The following DMD variants were observed in gnomAD, a reference collection of about 807,000 sequenced individuals.
The protein encoded by DMD is dystrophin, also known as mutant dystrophin.
A neutral mutation model predicts 330.1 loss-of-function variants in DMD; 63 were observed. The observed-to-expected ratio is 0.19, with a 90% CI of 0.16 to 0.24. The LOEUF is 0.24. Ranked by LOEUF, DMD falls within the 10% of genes least tolerant of loss-of-function variation. The pLI, the probability that DMD is intolerant of heterozygous loss-of-function variation, is 1.00. For missense variants in DMD, 3,344 were observed against 2,684.1 expected (o/e 1.25, Z -5.43); for synonymous variants, 1,223 against 959.8 (o/e 1.27, Z -5.07).
chrX:32,710,774 G>A (rs1288105634), intron 7 of DMD, among the ~76,000 whole-genome samples: 1 of 111,036 alleles, frequency 9.0e-6, no homozygotes, highest in Non-Finnish European at 1.9e-5. Flanking sequence ...TGTGCTAAGC[G>A]TCTGCATACC....
Position 32,601,462 on chromosome X carries a change from G to C in DMD, c.1483-5586C>G, listed in dbSNP as rs996924363. 2.7e-5 allele frequency among the ~76,000 whole-genome samples: 3 copies of C among 111,698 alleles called. No homozygotes were observed. The South Asian group carries it at 1.1e-3, about 41-fold the overall frequency. The stretch of plus-strand genomic sequence containing the variant: ...GGTTCTGAAAGACTGTTTCAATGGA[G>C]AGATTTGAAAGGCTATACAAGCACA... On this transcript the variant is annotated intron_variant, in intron 12 of 78. Coordinates refer to ENST00000357033, the MANE Select transcript of DMD (RefSeq NM_004006.3).
chrX:32,452,819 G>A (rs1391443468), intron 26 of DMD, among the ~76,000 whole-genome samples: 1 of 111,020 alleles, frequency 9.0e-6, no homozygotes, highest in Non-Finnish European at 1.9e-5. Flanking sequence ...AACAAAACCC[G>A]TTTGTTAACA....
intron 25 of DMD, among the ~76,000 whole-genome samples, chrX:32,461,978 AT>A (rs2098385008): frequency 9.2e-6 from 1 of 109,221 alleles, no homozygotes; most frequent in Non-Finnish European, 1.9e-5. Context: ...TTTTTTTTTC[AT>A]TTTCAAATGT....
intron 1 of DMD, among the ~76,000 whole-genome samples, chrX:33,092,261 G>GT (rs2095095470): frequency 9.0e-6 from 1 of 111,721 alleles, no homozygotes; most frequent in Non-Finnish European, 1.9e-5. Flanking sequence ...CTAGAAAAAT[G>GT]TTTTTTAAAA....
intron 30 of DMD, 118 bp from the exon 31 acceptor site, chrX:32,390,299 G>A: frequency 3.5e-6 from 2 of 575,679 alleles, no homozygotes; most frequent in Non-Finnish European, 2.9e-6. Context: ...CCTTTAAAAT[G>A]ACCGTAAATT....
intron 21 of DMD, among the ~76,000 whole-genome samples, chrX:32,483,800 G>C (rs1417772970): frequency 1.1e-4 from 2 of 18,296 alleles, no homozygotes; most frequent in African/African-American, 1.8e-4. Context: ...AAACCCCTTA[G>C]CAAAAACGAC....
chrX:32,321,571 C>T (rs986749029), intron 41 of DMD, among the ~76,000 whole-genome samples: 2 of 111,118 alleles, frequency 1.8e-5, no homozygotes, highest in Non-Finnish European at 3.8e-5. Context: ...GCCTTACTTC[C>T]ACCCCTTGTC....
At chrX:31,388,182 T>C (rs1301621008) in intron 60 of DMD, among the ~76,000 whole-genome samples, 2 of 108,632 alleles carry the variant, frequency 1.8e-5, no homozygotes, top group Non-Finnish European at 3.8e-5. Flanking sequence ...TTTTTGTATT[T>C]TTAGTAGAGA....
At chrX:32,566,305 AAGCTAGTG>A (rs2051707002) in intron 15 of DMD, among the ~76,000 whole-genome samples, 1 of 112,073 alleles carries the variant, frequency 8.9e-6, no homozygotes, top group Non-Finnish European at 1.9e-5. Flanking sequence ...TACTGAAGAA[AAGCTAGTG>A]AGCTGAGAAA....
At chrX:32,871,066 C>T (rs2082955626) in intron 2 of DMD, among the ~76,000 whole-genome samples, 1 of 107,458 alleles carries the variant, frequency 9.3e-6, no homozygotes, top group African/African-American at 3.4e-5. Context: ...AAACATTCTT[C>T]CCCTGCATCC....
At chrX:31,465,834 C>T (rs1327526308) in intron 59 of DMD, among the ~76,000 whole-genome samples, 1 of 112,000 alleles carries the variant, frequency 8.9e-6, no homozygotes, top group East Asian at 2.8e-4. Flanking sequence ...AGTGTAAAAG[C>T]ACACCTATTT....
intron 60 of DMD, among the ~76,000 whole-genome samples, chrX:31,381,016 C>G (rs1464129675): frequency 9.0e-6 from 1 of 111,584 alleles, no homozygotes; most frequent in Non-Finnish European, 1.9e-5. Flanking sequence ...TTCTAGAAAA[C>G]AACAAGTTTT....
At chrX:31,803,229 A>G (rs1357283326) in intron 50 of DMD, among the ~76,000 whole-genome samples, 2 of 111,916 alleles carry the variant, frequency 1.8e-5, no homozygotes, top group African/African-American at 6.5e-5. Flanking sequence ...AATGGGAGCC[A>G]TTCCCTTGAC....
chrX:32,842,819 T>G (rs755321708), intron 4 of DMD, among the ~76,000 whole-genome samples: 1 of 110,626 alleles, frequency 9.0e-6, no homozygotes, highest in Admixed American at 9.7e-5. Flanking sequence ...TTATTATTTT[T>G]TTTTTTGATA....
chrX:31,691,119 A>T (rs186895606), intron 52 of DMD, among the ~76,000 whole-genome samples: 33 of 107,586 alleles, frequency 3.1e-4, no homozygotes, highest in Admixed American at 1.5e-3. Context: ...AAGTATAATT[A>T]AAAAAAAAAG....
intron 1 of DMD, among the ~76,000 whole-genome samples, chrX:33,244,532 C>G (rs772141489): frequency 9.0e-6 from 1 of 111,697 alleles, no homozygotes; most frequent in Non-Finnish European, 1.9e-5. Context: ...TATTTCTACT[C>G]TGAGTTTGCA....
chrX:32,917,241 C>T (rs114850228), intron 2 of DMD, among the ~76,000 whole-genome samples: 6,958 of 103,433 alleles, frequency 0.067, 278 homozygotes, highest in African/African-American at 0.14. Flanking sequence ...AGATTGTCAG[C>T]GTCCTGAGGC....
chrX:32,304,935 T>C (rs1265894986), intron 42 of DMD, among the ~76,000 whole-genome samples: 2 of 111,621 alleles, frequency 1.8e-5, no homozygotes, highest in Non-Finnish European at 3.8e-5. Context: ...CAAAAAGCAT[T>C]TGCAAACAAA....
At position 31,203,020 on chromosome X, in the gene DMD, G is replaced by A. The variant is rs184353726; in HGVS notation, c.9807+941C>T. Among the ~76,000 whole-genome samples the A allele has an allele frequency of 7.1e-3, 790 of 111,564 alleles. 4 individuals are homozygous for A. Among genetic ancestry groups the A allele is most frequent in the African/African-American group, 0.024 (746 of 30,711 alleles). On this transcript the variant is annotated intron_variant, in intron 67 of 78. Transcript: ENST00000357033. ...TTAGAGGCCAGGCACGGTGGCTTAC[G>A]CCTGTAATCCGAGCACTTTGGGAGT...
Sources: gnomAD v4.1 joint callset for allele counts (sites outside exome capture counted in the v4.1 genomes callset) on GRCh38, gnomAD v4.1.1 for gene constraint, MANE v1.5 for transcripts, NCBI Gene and HGNC (gene_info 2026-07-23, HGNC 2026-07-21) for gene names.